The following CNTN5 variants were observed in gnomAD, a reference collection of about 807,000 sequenced individuals.
CNTN5 encodes contactin-5.
In CNTN5, 77 loss-of-function variants were observed where a neutral mutation model predicts 129.1. The ratio of observed to expected loss-of-function variants is 0.60; its 90% CI spans 0.50 to 0.72. CNTN5 has a LOEUF of 0.72. Ranked by LOEUF, CNTN5 falls within the 30% of genes least tolerant of loss-of-function variation. The pLI is 0.00. For missense variants in CNTN5, 1,478 were observed against 1,328.8 expected (o/e 1.11, Z -1.75); for synonymous variants, 509 against 465.6 (o/e 1.09, Z -1.20).
At chr11:100,239,012 G>T (rs943044135) in intron 16 of CNTN5, among the ~76,000 whole-genome samples, 1 of 152,324 alleles carries the variant, frequency 6.6e-6, no homozygotes, top group Non-Finnish European at 1.5e-5. Context: ...TTCTCTGTCA[G>T]TTTGCTGTCA....
At chr11:99,285,232 C>G (rs1863880966) in intron 1 of CNTN5, among the ~76,000 whole-genome samples, 1 of 152,074 alleles carries the variant, frequency 6.6e-6, no homozygotes, top group Admixed American at 6.6e-5. Context: ...TGCACGTCTA[C>G]TGTACTAAGG....
At chr11:99,960,644 T>G (rs1285441801) in intron 8 of CNTN5, among the ~76,000 whole-genome samples, 1 of 152,178 alleles carries the variant, frequency 6.6e-6, no homozygotes, top group Admixed American at 6.5e-5. Flanking sequence ...ATAGTTTGGA[T>G]GTAGTGTTTC....
intron 3 of CNTN5, among the ~76,000 whole-genome samples, chr11:99,727,462 C>T (rs1943389594): frequency 6.6e-6 from 1 of 151,744 alleles, no homozygotes; most frequent in Admixed American, 6.6e-5. Flanking sequence ...GTCACAAACC[C>T]AAACCTTATC....
At chr11:99,853,503 G>C (rs570741665) in intron 6 of CNTN5, among the ~76,000 whole-genome samples, 1 of 151,946 alleles carries the variant, frequency 6.6e-6, no homozygotes. Context: ...AGGTTCAAGC[G>C]ATTCTCCTGC....
intron 3 of CNTN5, among the ~76,000 whole-genome samples, chr11:99,717,766 G>T (rs1018976202): frequency 1.3e-5 from 2 of 151,856 alleles, no homozygotes; most frequent in African/African-American, 4.8e-5. Context: ...CATATAGAGG[G>T]AAAAAGTACC....
intron 3 of CNTN5, among the ~76,000 whole-genome samples, chr11:99,765,508 A>C (rs989528481): frequency 6.6e-6 from 1 of 151,936 alleles, no homozygotes; most frequent in African/African-American, 2.4e-5. Context: ...TTGATATAGA[A>C]GATTAAAAAC....
At chr11:100,272,764 G>C (rs1448133857) in intron 18 of CNTN5, among the ~76,000 whole-genome samples, 1 of 152,086 alleles carries the variant, frequency 6.6e-6, no homozygotes, top group East Asian at 1.9e-4. Flanking sequence ...AGCTCTGGGG[G>C]AATTGGTGAG....
At chr11:99,600,752 CTTCT>C (rs530551815) in intron 3 of CNTN5, among the ~76,000 whole-genome samples, 108 of 17,260 alleles carry the variant, frequency 6.3e-3, no homozygotes, top group African/African-American at 0.01. Flanking sequence ...GGAATTTTAG[CTTCT>C]CCTTTCTTTT....
chr11:99,723,814 A>G (rs557052144), intron 3 of CNTN5, among the ~76,000 whole-genome samples: 6 of 152,034 alleles, frequency 3.9e-5, no homozygotes, highest in Non-Finnish European at 7.4e-5. Context: ...TGTTTAAATA[A>G]TGTTATGGGA....
intron 2 of CNTN5, among the ~76,000 whole-genome samples, chr11:99,339,821 T>C (rs1866428157): frequency 6.6e-6 from 1 of 150,722 alleles, no homozygotes; most frequent in African/African-American, 2.4e-5. Context: ...AGCAAGAATG[T>C]ATTTGATTGG....
At chr11:99,844,538 G>A in intron 4 of CNTN5, 2 of 361,488 alleles carry the variant, frequency 5.5e-6, no homozygotes, top group Non-Finnish European at 1.0e-5. Flanking sequence ...TATTGTTTAT[G>A]CTTAATATTA....
At chr11:99,926,614 A>G (rs1950068588) in intron 7 of CNTN5, among the ~76,000 whole-genome samples, 1 of 152,180 alleles carries the variant, frequency 6.6e-6, no homozygotes, top group Non-Finnish European at 1.5e-5. Context: ...CTTTAATCTT[A>G]CAAAATAGTA....
intron 9 of CNTN5, among the ~76,000 whole-genome samples, chr11:100,011,599 G>A (rs1940536451): frequency 6.6e-6 from 1 of 152,088 alleles, no homozygotes; most frequent in Admixed American, 6.6e-5. Flanking sequence ...TGGTGAGGTG[G>A]GAGGGAAGAA....
In CNTN5 at chr11:100,263,501, T is replaced by C. The variant is rs925307579; in HGVS notation, c.2164+7583T>C. 5.3e-5 allele frequency among the ~76,000 whole-genome samples: 8 copies of C among 152,296 alleles called. No homozygotes were observed. In the East Asian group the frequency reaches 1.5e-3, roughly 29 times the overall value. The stretch of plus-strand genomic sequence containing the variant: ...TTGTTAGACCTCAGTTTGATCATTA[T>C]AGTGTCTATAAACATATTTATTATG... On this transcript the variant is annotated intron_variant, in intron 17 of 24. Coordinates refer to ENST00000524871, the MANE Select transcript of CNTN5 (RefSeq NM_014361.4).
chr11:99,929,789 C>T (rs1251063707), intron 7 of CNTN5, among the ~76,000 whole-genome samples: 3 of 152,128 alleles, frequency 2.0e-5, no homozygotes, highest in Non-Finnish European at 4.4e-5. Context: ...GGTGGGGACA[C>T]AGTCAAACCA....
chr11:99,862,496 A>G (rs773308517), intron 6 of CNTN5, among the ~76,000 whole-genome samples: 36 of 151,940 alleles, frequency 2.4e-4, no homozygotes, highest in Middle Eastern at 3.2e-3. Flanking sequence ...AATGCACAGT[A>G]TTGTACAAAG....
chr11:99,422,285 G>C (rs929534911), intron 2 of CNTN5, among the ~76,000 whole-genome samples: 10 of 151,820 alleles, frequency 6.6e-5, no homozygotes, highest in Non-Finnish European at 1.5e-4. Flanking sequence ...GAAGTGAAAA[G>C]CTTGATATTT....
At chr11:99,469,168 A>G (rs1945070819) in intron 2 of CNTN5, among the ~76,000 whole-genome samples, 1 of 152,154 alleles carries the variant, frequency 6.6e-6, no homozygotes, top group Admixed American at 6.5e-5. Flanking sequence ...AGAAATGACC[A>G]TATTTAAAAT....
At chr11:99,420,190 C>T (rs1045724087) in intron 2 of CNTN5, among the ~76,000 whole-genome samples, 3 of 151,980 alleles carry the variant, frequency 2.0e-5, no homozygotes, top group Non-Finnish European at 4.4e-5. Context: ...TTCAAATGCT[C>T]TTTTTGGTGA....
Sources: allele counts gnomAD v4.1 joint callset (sites outside exome capture counted in the v4.1 genomes callset), GRCh38; gene constraint gnomAD v4.1.1; transcripts MANE v1.5; gene names NCBI Gene and HGNC (gene_info 2026-07-23, HGNC 2026-07-21).